ZNF506: variants seen among roughly 807,000 people sequenced by gnomAD.
ZNF506 encodes zinc finger protein 506.
Under a neutral mutation model 11.6 loss-of-function variants are expected in ZNF506, and 10 were observed. That is an observed-to-expected ratio of 0.86 (90% confidence interval 0.53 to 1.46). ZNF506 has a LOEUF of 1.46. Ranked by LOEUF, ZNF506 falls within the 40% of genes most tolerant of loss-of-function variation. ZNF506 has a pLI of 0.00. For synonymous variants in ZNF506, 156 were observed against 173.3 expected (o/e 0.90, Z 0.78); for missense variants, 425 against 521.2 (o/e 0.82, Z 1.80).
chr19:19,811,801 T>C (rs192814592), intron 1 of ZNF506, among the ~76,000 whole-genome samples: 519 of 152,154 alleles, frequency 3.4e-3, no homozygotes, highest in Non-Finnish European at 6.6e-3. Context: ...AAGGAAATTA[T>C]AATAACGGTT....
intron 1 of ZNF506, among the ~76,000 whole-genome samples, chr19:19,810,450 G>A (rs1398398160): frequency 6.6e-6 from 1 of 152,164 alleles, no homozygotes; most frequent in Non-Finnish European, 1.5e-5. Context: ...ACTATGCTGG[G>A]TATTCTCATA....
intron 1 of ZNF506, among the ~76,000 whole-genome samples, chr19:19,814,995 T>TG: frequency 6.6e-6 from 1 of 152,170 alleles, no homozygotes; most frequent in African/African-American, 2.4e-5. Context: ...CTGTGGCTCA[T>TG]GCCTGTAATC....
chr19:19,794,327 T>C lies in ZNF506; in HGVS notation c.*225A>G. ...CTCCATCTCAAAAAACAAAAAGAGTTGACAGGTTGTTATAGGCTTTGCCAT... is the reference window on the plus strand; with the variant it reads ...CTCCATCTCAAAAAACAAAAAGAGTCGACAGGTTGTTATAGGCTTTGCCAT... On this transcript the variant is annotated 3_prime_UTR_variant, in exon 4 of 4. Transcript: ENST00000540806. 4.8e-6 allele frequency: 2 copies of C among 416,604 alleles called. No individual in the cohort carries two copies. The highest frequency in any genetic ancestry group is 8.4e-6 in the Non-Finnish European group (2 of 238,812). 25.8% of individuals were successfully genotyped at this position (416,604 alleles called of 1,614,324 possible).
chr19:19,806,167 T>A (rs768708140), intron 2 of ZNF506, 41 bp from the exon 3 acceptor site: 1 of 1,475,676 alleles, frequency 6.8e-7, no homozygotes, highest in Non-Finnish European at 9.3e-7. Context: ...TTGCTCATAT[T>A]CTCCAATTAC....
chr19:19,795,695 G>T, intron 3 of ZNF506, 35 bp from the exon 4 acceptor site: 1 of 1,470,498 alleles, frequency 6.8e-7, no homozygotes, highest in South Asian at 1.5e-5. Flanking sequence ...GACTTCAATT[G>T]CTAGACTCAG....
intron 1 of ZNF506, among the ~76,000 whole-genome samples, chr19:19,808,612 C>T (rs1015253898): frequency 4.0e-5 from 6 of 150,684 alleles, no homozygotes; most frequent in African/African-American, 1.5e-4. Flanking sequence ...TTGGGAGGCA[C>T]GAGGTGGGCG....
chr19:19,796,613 C>T (rs11879251), intron 3 of ZNF506: 3,242 of 152,202 alleles, frequency 0.021, 125 homozygotes, highest in African/African-American at 0.074. Flanking sequence ...CCGTGTTAGC[C>T]AGGATAGTCT....
intron 3 of ZNF506, chr19:19,796,238 G>A (rs1297076779): frequency 1.3e-5 from 2 of 152,792 alleles, no homozygotes; most frequent in African/African-American, 4.8e-5. Context: ...CCAAGATCAT[G>A]CCATTGTACT....
intron 3 of ZNF506, among the ~76,000 whole-genome samples, chr19:19,802,475 T>C (rs28733898): frequency 0.029 from 4,406 of 151,986 alleles, 197 homozygotes; most frequent in African/African-American, 0.1. Flanking sequence ...AATAGACATA[T>C]TGTTAAATAA....
chr19:19,798,234 A>T (rs2062758985), intron 3 of ZNF506: 1 of 152,198 alleles, frequency 6.6e-6, no homozygotes, highest in Admixed American at 6.5e-5. Flanking sequence ...TCAATAACAA[A>T]TGTGAAGGTA....
At position 19,795,016 on chromosome 19, in the gene ZNF506, C is replaced by A; in HGVS notation, c.871G>T (p.Gly291Cys). The change falls in exon 4 of 4, where the codon GGC (glycine) becomes TGC (cysteine). Residue 291 changes from glycine (G) to cysteine (C), a missense_variant. Around this residue, in one of 3 missense-constraint regions of ZNF506, gnomAD observed 192 missense variants for 215.7 expected, o/e 0.89. Coordinates refer to ENST00000540806, the MANE Select transcript of ZNF506 (RefSeq NM_001099269.3). The part of the protein sequence containing the change: ...GEKPYKCDKC[G>C]KAFISSSTLT... ...GTTGAGGATGAAATAAAGGCTTTGC[C>A]ACATTTATCACACTTGTATGGTTTC... The A allele has an allele frequency of 6.2e-7, 1 of 1,613,718 alleles. No individual in the cohort carries two copies. Among genetic ancestry groups the A allele is most frequent in the Non-Finnish European group, 8.5e-7 (1 of 1,179,968 alleles).
At chr19:19,805,919 C>CTATT in intron 3 of ZNF506, 112 bp downstream of exon 3, 1 of 941,556 alleles carries the variant, frequency 1.1e-6, no homozygotes, top group Non-Finnish European at 1.6e-6. Flanking sequence ...TGCCCAGGAA[C>CTATT]TATTTCCTTG....
At chr19:19,797,057 T>C (rs1448281374) in intron 3 of ZNF506, 2 of 152,304 alleles carry the variant, frequency 1.3e-5, no homozygotes, top group East Asian at 3.9e-4. Context: ...AAGATTACAA[T>C]GTATACAAAA....
In ZNF506 at chr19:19,807,013, C is replaced by T; in HGVS notation, c.59G>A (p.Cys20Tyr). 1 of 1,614,030 alleles carries T rather than the reference C, an allele frequency of 6.2e-7. No homozygotes were observed. The highest frequency in any genetic ancestry group is 8.5e-7 in the Non-Finnish European group (1 of 1,179,986). Residue 20 changes from cysteine (C) to tyrosine (Y), a missense_variant, in exon 2 of 4, where the codon TGC becomes TAC. Physicochemically the swap from Cys to Tyr is radical, Grantham distance 194 (BLOSUM62 -2). Transcript: ENST00000540806. ...TAGATTCCGCTGTGCAGCGTCCAGG[C>T]AATGCCACTCCTCCAGAGAGAATTC... ...AIEFSLEEWH[C>Y]LDAAQRNLYR...
At chr19:19,795,775 A>G in intron 3 of ZNF506, 115 bp from the exon 4 acceptor site, 1 of 997,384 alleles carries the variant, frequency 1.0e-6, no homozygotes, top group Non-Finnish European at 1.4e-6. Flanking sequence ...ACAGCAAAAT[A>G]CCACAAGCTG....
In ZNF506 at chr19:19,794,769, T is replaced by C. The variant is rs766165462; in HGVS notation, c.1118A>G (p.Glu373Gly). Residue 373 changes from glutamate (E) to glycine (G), a missense_variant, in exon 4 of 4, where the codon GAA becomes GGA. Physicochemically the swap from Glu to Gly is moderately conservative, Grantham distance 98 (BLOSUM62 -2). Around this residue, in one of 3 missense-constraint regions of ZNF506, gnomAD observed 192 missense variants for 215.7 expected, o/e 0.89. Coordinates refer to ENST00000540806, the MANE Select transcript of ZNF506 (RefSeq NM_001099269.3). ...GAATGCAGTAAAGGCTTTGCCACAT[T>C]CTTCACACTTGTAGGGTTTCTCTCC... ...HTGEKPYKCEECGKAFTAFST... is the reference protein window; with the variant it reads ...HTGEKPYKCEGCGKAFTAFST... The C allele has an allele frequency of 1.9e-6, 3 of 1,613,912 alleles. No homozygotes were observed. Among genetic ancestry groups the C allele is most frequent in the Admixed American group, 1.7e-5 (1 of 59,996 alleles).
At chr19:19,799,577 A>G (rs1189781053) in intron 3 of ZNF506, 3 of 490,728 alleles carry the variant, frequency 6.1e-6, no homozygotes, top group Non-Finnish European at 1.1e-5. Context: ...TTTCAAATAT[A>G]TAGAAATGAT....
chr19:19,815,365 G>C (rs74181159), intron 1 of ZNF506, among the ~76,000 whole-genome samples: 2,492 of 152,318 alleles, frequency 0.016, 39 homozygotes, highest in Non-Finnish European at 0.021. Flanking sequence ...TCTAGTGTGT[G>C]TGTTCGTGAG....
At chr19:19,808,439 C>G (rs1014293546) in intron 1 of ZNF506, among the ~76,000 whole-genome samples, 6 of 151,302 alleles carry the variant, frequency 4.0e-5, no homozygotes, top group Non-Finnish European at 5.9e-5. Context: ...TAACCATTAA[C>G]TGCACTAGGA....
Sources: gnomAD v4.1 joint callset for allele counts (sites outside exome capture counted in the v4.1 genomes callset) on GRCh38, gnomAD v4.1.1 for gene constraint, gnomAD v4.1.1 regional missense constraint, MANE v1.5 for transcripts, NCBI Gene and HGNC (gene_info 2026-07-23, HGNC 2026-07-21) for gene names.